The following CRLF3 variants were observed in gnomAD, a reference collection of about 807,000 sequenced individuals.
CRLF3 encodes the protein cytokine receptor-like factor 3.
In CRLF3, 33 loss-of-function variants were observed where a neutral mutation model predicts 55.0. The observed-to-expected ratio is 0.60, with a 90% confidence interval of 0.46 to 0.80. The LOEUF (loss-of-function observed/expected upper bound fraction) is 0.80, where lower values mean the gene tolerates loss of function less well. Among genes scored for constraint, CRLF3 ranks in the 30% least tolerant of loss-of-function variants. The probability of loss-of-function intolerance (pLI) is 0.00; values close to 1 mark genes in which losing one functional copy is unlikely to be tolerated. For missense variants in CRLF3, 494 were observed against 538.4 expected (o/e 0.92, Z 0.82); for synonymous variants, 238 against 196.8 (o/e 1.21, Z -1.75).
intron 6 of CRLF3, among the ~76,000 whole-genome samples, chr17:30,789,282 C>A (rs529176950): frequency 6.6e-6 from 1 of 152,162 alleles, no homozygotes; most frequent in Admixed American, 6.6e-5. Context: ...ACATCACGGT[C>A]AGCAGAGGTG....
intron 7 of CRLF3, 61 bp from the exon 8 acceptor site, chr17:30,784,504 T>C: frequency 2.8e-6 from 4 of 1,414,868 alleles, no homozygotes; most frequent in Middle Eastern, 2.1e-4. Context: ...TCTGAAATAG[T>C]TTCTAGATTA....
intron 6 of CRLF3, 183 bp from the exon 7 acceptor site, chr17:30,786,214 A>T (rs937075487): frequency 2.0e-6 from 1 of 493,816 alleles, no homozygotes. Flanking sequence ...TCTATCTATC[A>T]TTCTTACAAC....
At chr17:30,820,831 A>AG (rs1904971709) in intron 1 of CRLF3, among the ~76,000 whole-genome samples, 1 of 151,068 alleles carries the variant, frequency 6.6e-6, no homozygotes, top group African/African-American at 2.4e-5. Context: ...CTCAAAAAAA[A>AG]AAAAAAAAAA....
At chr17:30,823,901 C>T (rs1905064465) in intron 1 of CRLF3, among the ~76,000 whole-genome samples, 1 of 152,082 alleles carries the variant, frequency 6.6e-6, no homozygotes, top group African/African-American at 2.4e-5. Context: ...ATAGCTTCAC[C>T]TTCACCTTAA....
chr17:30,796,890 A>G (rs1971926823), intron 3 of CRLF3, among the ~76,000 whole-genome samples: 1 of 151,698 alleles, frequency 6.6e-6, no homozygotes, highest in Admixed American at 6.6e-5. Flanking sequence ...ATGCCCGGAT[A>G]ATTTTTTATT....
chr17:30,813,437 C>G (rs1904685260), intron 1 of CRLF3, among the ~76,000 whole-genome samples: 1 of 152,042 alleles, frequency 6.6e-6, no homozygotes, highest in Admixed American at 6.6e-5. Flanking sequence ...CCACAAACTG[C>G]CATCAGAGCA....
chr17:30,788,111 A>G (rs911383627), intron 6 of CRLF3, among the ~76,000 whole-genome samples: 150 of 152,036 alleles, frequency 9.9e-4, no homozygotes, highest in African/African-American at 3.5e-3. Flanking sequence ...GGCGGATCAC[A>G]AAGTCAGGAG....
chr17:30,784,690 C>T (rs1472695067), intron 7 of CRLF3: 1 of 402,082 alleles, frequency 2.5e-6, no homozygotes, highest in Non-Finnish European at 4.5e-6. Context: ...TGTGAAATAG[C>T]AAGACTATTT....
At chr17:30,794,767 C>G (rs1411438016) in intron 4 of CRLF3, among the ~76,000 whole-genome samples, 1 of 152,156 alleles carries the variant, frequency 6.6e-6, no homozygotes. Context: ...GTACTCCAGC[C>G]TGGGTGACAG....
In CRLF3 at chr17:30,814,742, C is replaced by T. The variant is rs534371809; in HGVS notation, c.129+9781G>A. ...AATTGCCGGGCATGGTGGCTCATGC[C>T]TGTAATCCCAGCACTTTGGGAGCTC... On this transcript the variant is annotated intron_variant, in intron 1 of 7. Transcript: ENST00000324238. Among the ~76,000 whole-genome samples the T allele has an allele frequency of 2.0e-3, 309 of 152,100 alleles. 1 individual carries two copies. Among genetic ancestry groups the T allele is most frequent in the African/African-American group, 7.1e-3 (296 of 41,492 alleles).
At position 30,803,165 on chromosome 17, in the gene CRLF3, C is replaced by CAA. The variant is rs147266873; in HGVS notation, c.337+734_337+735dup. On this transcript the variant is annotated intron_variant, in intron 2 of 7. Transcript: ENST00000324238. ...GGGCAACAGAGCAAAACCCCTGTGT[C>CAA]AAAAAAAAAATATATATATATATAT... Among the ~76,000 whole-genome samples the CAA allele has an allele frequency of 4.0e-4, 57 of 143,792 alleles. 1 individual carries two copies. Among genetic ancestry groups the CAA allele is most frequent in the South Asian group, 2.6e-3 (12 of 4,552 alleles). 94.3% of individuals were successfully genotyped at this position (143,792 alleles called of 152,430 possible). A position where few individuals can be genotyped will look rare whatever the true frequency, so the allele number is the denominator to read the frequency against.
chr17:30,784,619 CTA>C (rs1285949676), intron 7 of CRLF3, 176 bp from the exon 8 acceptor site: 32 of 565,176 alleles, frequency 5.7e-5, no homozygotes, highest in Admixed American at 9.8e-5. Flanking sequence ...CCAGCAGAGA[CTA>C]TGAGTTTCCC....
intron 6 of CRLF3, among the ~76,000 whole-genome samples, chr17:30,791,998 G>A (rs559755145): frequency 2.0e-5 from 3 of 152,060 alleles, no homozygotes; most frequent in Admixed American, 6.6e-5. Context: ...AGGCATATGT[G>A]CCACCATGCC....
chr17:30,799,126 T>G (rs866675380), intron 2 of CRLF3, among the ~76,000 whole-genome samples: 1 of 151,084 alleles, frequency 6.6e-6, no homozygotes, highest in Admixed American at 6.6e-5. Flanking sequence ...ACAAAAAATT[T>G]GCTGGGCGTG....
chr17:30,808,605 T>C (rs1230083345), intron 1 of CRLF3, among the ~76,000 whole-genome samples: 2 of 145,862 alleles, frequency 1.4e-5, no homozygotes, highest in African/African-American at 5.2e-5. Flanking sequence ...TATATATATA[T>C]ATTTTTTTTT....
At position 30,803,406 on chromosome 17, in the gene CRLF3, C is replaced by T. The variant is rs116137999; in HGVS notation, c.337+495G>A. ...TATATCTGTCATCCTATATTACAAA[C>T]TGTCTCTAGGTAAGAACATTCTAAG... On this transcript the variant is annotated intron_variant, in intron 2 of 7. Transcript: ENST00000324238. Among the ~76,000 whole-genome samples, 842 of 152,288 alleles carry T rather than the reference C, an allele frequency of 5.5e-3. 3 individuals carry two copies. The highest frequency in any genetic ancestry group is 0.017 in the Middle Eastern group (5 of 294).
rs999078744 is a variant in CRLF3 at position 30,782,862 on chromosome 17, A to G, written c.*1325T>C. On this transcript the variant is annotated 3_prime_UTR_variant, in exon 8 of 8. Coordinates refer to ENST00000324238, the MANE Select transcript of CRLF3 (RefSeq NM_015986.4). The stretch of plus-strand genomic sequence containing the variant: ...TCCCCAAATAAATTATCTTACAAAA[A>G]TATCATACTTGCTTTTCTACTTTTT... 6.6e-6 allele frequency: 1 copy of G among 152,086 alleles called. No homozygotes were observed. Among genetic ancestry groups the G allele is most frequent in the African/African-American group, 2.4e-5 (1 of 41,408 alleles). 9.4% of individuals were successfully genotyped at this position (152,086 alleles called of 1,614,324 possible). A position where few individuals can be genotyped will look rare whatever the true frequency, so the allele number is the denominator to read the frequency against.
At chr17:30,800,505 T>C (rs1229111802) in intron 2 of CRLF3, among the ~76,000 whole-genome samples, 1 of 152,200 alleles carries the variant, frequency 6.6e-6, no homozygotes, top group East Asian at 1.9e-4. Flanking sequence ...TAGGCTGATT[T>C]TTGTTATCAC....
At chr17:30,788,815 C>T (rs1202537360) in intron 6 of CRLF3, among the ~76,000 whole-genome samples, 1 of 151,706 alleles carries the variant, frequency 6.6e-6, no homozygotes, top group African/African-American at 2.4e-5. Flanking sequence ...ACCATATTGG[C>T]CAGGCTGGTC....
Sources: allele counts gnomAD v4.1 joint callset (sites outside exome capture counted in the v4.1 genomes callset), GRCh38; gene constraint gnomAD v4.1.1; transcripts MANE v1.5; gene names NCBI Gene and HGNC (gene_info 2026-07-23, HGNC 2026-07-21).